PEX5L: variants seen among roughly 807,000 people sequenced by gnomAD.
The protein encoded by PEX5L is peroxisomal biogenesis factor 5 like.
PEX5L carries 30 observed loss-of-function variants against 84.0 expected under a neutral mutation model. The observed-to-expected ratio is 0.36, with a 90% CI of 0.27 to 0.48. PEX5L has a LOEUF of 0.48. Ranked by LOEUF, PEX5L falls within the 20% of genes least tolerant of loss-of-function variation. PEX5L has a pLI of 0.99. For synonymous variants in PEX5L, 270 were observed against 283.1 expected (o/e 0.95, Z 0.46); for missense variants, 533 against 754.6 (o/e 0.71, Z 3.44).
chr3:179,990,076 T>C (rs1261216879), intron 1 of PEX5L, among the ~76,000 whole-genome samples: 1 of 152,200 alleles, frequency 6.6e-6, no homozygotes, highest in Non-Finnish European at 1.5e-5. Flanking sequence ...CATCTTTATT[T>C]CAGTGCTGCC....
chr3:179,924,135 C>A (rs547367132), intron 2 of PEX5L, among the ~76,000 whole-genome samples: 4 of 152,112 alleles, frequency 2.6e-5, no homozygotes, highest in Non-Finnish European at 5.9e-5. Context: ...GCTTCAGTAT[C>A]GGGGATAGGT....
intron 1 of PEX5L, among the ~76,000 whole-genome samples, chr3:180,026,779 T>C (rs1336745461): frequency 6.6e-6 from 1 of 152,204 alleles, no homozygotes. Context: ...GGCTGGACTC[T>C]AGTCAATCAA....
chr3:179,840,785 T>C (rs1736949073), intron 8 of PEX5L, among the ~76,000 whole-genome samples: 1 of 152,098 alleles, frequency 6.6e-6, no homozygotes, highest in Admixed American at 6.5e-5. Flanking sequence ...GACTGCAGTG[T>C]GAGAAGATCA....
At chr3:179,868,145 GC>G (rs2108634096) in intron 7 of PEX5L, among the ~76,000 whole-genome samples, 1 of 148,712 alleles carries the variant, frequency 6.7e-6, no homozygotes, top group African/African-American at 2.5e-5. Flanking sequence ...CTCCCAAAGT[GC>G]TAGGATTACA....
intron 1 of PEX5L, among the ~76,000 whole-genome samples, chr3:179,995,807 G>A (rs1397514711): frequency 6.6e-6 from 1 of 152,156 alleles, no homozygotes; most frequent in Non-Finnish European, 1.5e-5. Context: ...GCAACGAAAG[G>A]TGCATGCACA....
At chr3:180,003,935 T>C (rs531335027) in intron 1 of PEX5L, among the ~76,000 whole-genome samples, 5 of 152,222 alleles carry the variant, frequency 3.3e-5, no homozygotes, top group Non-Finnish European at 7.3e-5. Flanking sequence ...TAGCAGCTTC[T>C]ACTGACCACT....
chr3:179,820,019 G>A (rs750923192), intron 8 of PEX5L, 43 bp from the exon 9 acceptor site: 91 of 1,612,660 alleles, frequency 5.6e-5, no homozygotes, highest in Non-Finnish European at 7.0e-5. Flanking sequence ...TTAAGAACAT[G>A]CCACATCATC....
chr3:179,963,966 T>C (rs1250531971), intron 2 of PEX5L, among the ~76,000 whole-genome samples: 1 of 152,162 alleles, frequency 6.6e-6, no homozygotes, highest in East Asian at 1.9e-4. Context: ...TTTTTTTAAC[T>C]CTTAATTTAG....
chr3:179,910,551 A>G (rs561883360), intron 2 of PEX5L, among the ~76,000 whole-genome samples: 1 of 152,344 alleles, frequency 6.6e-6, no homozygotes, highest in African/African-American at 2.4e-5. Context: ...TTGGAAAATA[A>G]TCCTGTACCA....
At chr3:179,850,653 AC>A (rs1486865660) in intron 8 of PEX5L, among the ~76,000 whole-genome samples, 9 of 152,246 alleles carry the variant, frequency 5.9e-5, no homozygotes, top group Admixed American at 4.6e-4. Flanking sequence ...ATGTTAGCTA[AC>A]ATGACAAACC....
At chr3:180,007,883 C>T (rs1789068617) in intron 1 of PEX5L, among the ~76,000 whole-genome samples, 1 of 152,206 alleles carries the variant, frequency 6.6e-6, no homozygotes, top group South Asian at 2.1e-4. Flanking sequence ...GCCACCTTTT[C>T]TTCCTGGGCC....
At chr3:180,020,141 C>A (rs1298774694) in intron 1 of PEX5L, among the ~76,000 whole-genome samples, 1 of 152,106 alleles carries the variant, frequency 6.6e-6, no homozygotes, top group African/African-American at 2.4e-5. Context: ...TCAAATAACG[C>A]CATGATATTC....
intron 5 of PEX5L, among the ~76,000 whole-genome samples, chr3:179,877,675 C>T (rs1200777217): frequency 2.0e-5 from 3 of 152,134 alleles, no homozygotes; most frequent in Admixed American, 2.0e-4. Flanking sequence ...CCAAGCTGGT[C>T]TCAAACTCCT....
intron 1 of PEX5L, among the ~76,000 whole-genome samples, chr3:179,987,046 T>C (rs1786919496): frequency 1.3e-5 from 2 of 152,162 alleles, no homozygotes; most frequent in South Asian, 2.1e-4. Flanking sequence ...GTACCAGTTG[T>C]ATGGCTTTGA....
chr3:179,996,359 C>A (rs1391778737), intron 1 of PEX5L, among the ~76,000 whole-genome samples: 1 of 152,104 alleles, frequency 6.6e-6, no homozygotes, highest in Non-Finnish European at 1.5e-5. Context: ...GATTTGGGCC[C>A]ACTAAGTAGG....
intron 2 of PEX5L, among the ~76,000 whole-genome samples, chr3:179,900,148 T>G (rs1158134802): frequency 6.6e-6 from 1 of 152,180 alleles, no homozygotes; most frequent in Non-Finnish European, 1.5e-5. Context: ...TAAGCTACAC[T>G]CATTTACAGA....
chr3:179,931,585 A>G (rs1400321227), intron 2 of PEX5L, among the ~76,000 whole-genome samples: 2 of 152,198 alleles, frequency 1.3e-5, no homozygotes, highest in Admixed American at 6.5e-5. Flanking sequence ...AGATGCCTGA[A>G]GCCGTATGTT....
At chr3:179,898,754 C>A (rs1760204977) in intron 2 of PEX5L, among the ~76,000 whole-genome samples, 1 of 151,962 alleles carries the variant, frequency 6.6e-6, no homozygotes, top group South Asian at 2.1e-4. Flanking sequence ...TGCAAAATAT[C>A]TAAAAATCCT....
intron 2 of PEX5L, among the ~76,000 whole-genome samples, chr3:179,918,437 G>A (rs1768039371): frequency 6.6e-6 from 1 of 152,198 alleles, no homozygotes; most frequent in Non-Finnish European, 1.5e-5. Context: ...AGAAGGCACT[G>A]TGATAGCTCT....
Sources: gnomAD v4.1 joint callset for allele counts (sites outside exome capture counted in the v4.1 genomes callset) on GRCh38, gnomAD v4.1.1 for gene constraint, MANE v1.5 for transcripts, NCBI Gene and HGNC (gene_info 2026-07-23, HGNC 2026-07-21) for gene names.